ZZEF1: variants seen among roughly 807,000 people sequenced by gnomAD.
ZZEF1 encodes zinc finger ZZ-type and EF-hand domain containing 1.
A neutral mutation model predicts 342.8 loss-of-function variants in ZZEF1; 157 were observed. The observed-to-expected ratio is 0.46, with a 90% CI of 0.40 to 0.52. The LOEUF is 0.52. Ranked by LOEUF, ZZEF1 falls within the 20% of genes least tolerant of loss-of-function variation. The probability of loss-of-function intolerance (pLI) is 0.00; values close to 1 mark genes in which losing one functional copy is unlikely to be tolerated. For synonymous variants in ZZEF1, 1,505 were observed against 1,429.1 expected (o/e 1.05, Z -1.20); for missense variants, 3,480 against 3,725.6 (o/e 0.93, Z 1.72).
chr17:4,131,196 G>C (rs1483043902), intron 1 of ZZEF1, among the ~76,000 whole-genome samples: 1 of 152,046 alleles, frequency 6.6e-6, no homozygotes, highest in African/African-American at 2.4e-5. Context: ...ATCCAAGCAG[G>C]AGAAAATGAA....
intron 1 of ZZEF1, among the ~76,000 whole-genome samples, chr17:4,133,699 A>C (rs191056474): frequency 1.9e-4 from 29 of 151,914 alleles, no homozygotes; most frequent in Admixed American, 4.6e-4. Flanking sequence ...CAAGGCTATA[A>C]AAATACTGAC....
Position 4,016,987 on chromosome 17 carries a change from C to G in ZZEF1, c.8001+384G>C. 4.8e-6 allele frequency: 1 copy of G among 209,510 alleles called. No individual in the cohort carries two copies. The highest frequency in any genetic ancestry group is 9.7e-6 in the Non-Finnish European group (1 of 103,048). 13.0% of individuals were successfully genotyped at this position (209,510 alleles called of 1,614,324 possible). A position where few individuals can be genotyped will look rare whatever the true frequency, so the allele number is the denominator to read the frequency against. On this transcript the variant is annotated intron_variant, in intron 48 of 54. Coordinates refer to ENST00000381638, the MANE Select transcript of ZZEF1 (RefSeq NM_015113.4). The surrounding 1 kb of genome is among the most constrained non-coding windows in gnomAD (Gnocchi z 4.4). ...CAAGGCCGGGAAAAGACCTCGAGGT[C>G]TGGTGGTGTTCTCAGATGGACAAAG...
chr17:4,126,839 C>T (rs971442123), intron 1 of ZZEF1, among the ~76,000 whole-genome samples: 2 of 152,088 alleles, frequency 1.3e-5, no homozygotes, highest in Non-Finnish European at 2.9e-5. Flanking sequence ...TCATGGCACA[C>T]ACCTGTAATT....
chr17:4,051,272 G>A (rs958441120), intron 35 of ZZEF1, among the ~76,000 whole-genome samples: 5 of 152,178 alleles, frequency 3.3e-5, no homozygotes, highest in Admixed American at 3.3e-4. Flanking sequence ...GAGGTTGTCT[G>A]CAGAAATTGG....
intron 26 of ZZEF1, among the ~76,000 whole-genome samples, chr17:4,068,659 T>C (rs2057450161): frequency 6.6e-6 from 1 of 152,210 alleles, no homozygotes; most frequent in Non-Finnish European, 1.5e-5. Flanking sequence ...CAAAGGATAA[T>C]ATACTAGAAC....
At chr17:4,120,587 T>A (rs1009814876) in intron 2 of ZZEF1, among the ~76,000 whole-genome samples, 6 of 152,120 alleles carry the variant, frequency 3.9e-5, no homozygotes, top group Non-Finnish European at 1.5e-5. Flanking sequence ...GACTCCACAG[T>A]AATACCTGAG....
chr17:4,079,857 T>C (rs1371417951), intron 18 of ZZEF1, among the ~76,000 whole-genome samples: 1 of 152,206 alleles, frequency 6.6e-6, no homozygotes, highest in African/African-American at 2.4e-5. Context: ...GTAAGAGATT[T>C]AAAGACACTA....
chr17:4,141,577 C>T (rs2058849419), intron 1 of ZZEF1, among the ~76,000 whole-genome samples: 1 of 152,104 alleles, frequency 6.6e-6, no homozygotes, highest in Non-Finnish European at 1.5e-5. Flanking sequence ...AGGAAGAATA[C>T]CTAATGGATG....
intron 18 of ZZEF1, among the ~76,000 whole-genome samples, chr17:4,080,372 G>A (rs1030245377): frequency 2.6e-5 from 4 of 151,458 alleles, no homozygotes; most frequent in African/African-American, 4.9e-5. Context: ...ACAGAGTTTC[G>A]CTCGTTGCCC....
chr17:4,137,805 G>A (rs1485295092), intron 1 of ZZEF1, among the ~76,000 whole-genome samples: 1 of 152,218 alleles, frequency 6.6e-6, no homozygotes, highest in Non-Finnish European at 1.5e-5. Flanking sequence ...GTACAGAACA[G>A]GTAACAGGAG....
chr17:4,024,186 G>GTTTTTTTTTTTTTTTTTTTT (rs754985234), intron 43 of ZZEF1, among the ~76,000 whole-genome samples: 2 of 94,406 alleles, frequency 2.1e-5, no homozygotes, highest in Admixed American at 1.3e-4. Context: ...TATTGCCCAG[G>GTTTTTTTTTTTTTTTTTTTT]TTTTTTTTTT....
intron 5 of ZZEF1, among the ~76,000 whole-genome samples, chr17:4,110,670 T>C (rs2058280861): frequency 6.6e-6 from 1 of 151,000 alleles, no homozygotes; most frequent in Non-Finnish European, 1.5e-5. Flanking sequence ...TTGGAAACAA[T>C]CTAAATGTCC....
rs146542262 is a variant in ZZEF1 at position 4,085,937 on chromosome 17, G to T, written c.2513-134C>A. 46 of 1,129,204 alleles carry T rather than the reference G, an allele frequency of 4.1e-5. No individual in the cohort carries two copies. The African/African-American group carries it at 7.0e-4, about 17-fold the overall frequency. The allele number at this position is 1,129,204 out of a possible 1,614,324, so 69.9% of individuals were successfully genotyped here. A position where few individuals can be genotyped will look rare whatever the true frequency, so the allele number is the denominator to read the frequency against. ...AGAGTGAAGAAGTATTTCTGTACAG[G>T]CCAGGCAGTATAAAAAAATATTTTT... On this transcript the variant is annotated intron_variant, in intron 15 of 54. Coordinates refer to ENST00000381638, the MANE Select transcript of ZZEF1 (RefSeq NM_015113.4).
At chr17:4,122,923 T>A (rs916817974) in intron 2 of ZZEF1, among the ~76,000 whole-genome samples, 1 of 3,594 alleles carries the variant, frequency 2.8e-4, no homozygotes, top group African/African-American at 2.9e-4. Context: ...GACCTCTTCC[T>A]TTTTTTTTTT....
chr17:4,068,882 G>T (rs79314782), intron 26 of ZZEF1, among the ~76,000 whole-genome samples: 9,715 of 152,264 alleles, frequency 0.064, 430 homozygotes, highest in South Asian at 0.12. Flanking sequence ...GAGCAAATTT[G>T]CTAGACAAAG....
intron 53 of ZZEF1, 77 bp from the exon 54 acceptor site, chr17:4,009,031 T>C: frequency 6.7e-7 from 1 of 1,496,596 alleles, no homozygotes; most frequent in Non-Finnish European, 9.0e-7. Context: ...CTGGGACACC[T>C]GCTTGCGAAA....
chr17:4,134,847 T>C (rs1322705861), intron 1 of ZZEF1, among the ~76,000 whole-genome samples: 3 of 152,082 alleles, frequency 2.0e-5, no homozygotes, highest in African/African-American at 4.8e-5. Context: ...AAACAACCCT[T>C]AAACTGTGCT....
At chr17:4,045,567 G>T (rs1388038474) in intron 37 of ZZEF1, among the ~76,000 whole-genome samples, 1 of 152,150 alleles carries the variant, frequency 6.6e-6, no homozygotes, top group African/African-American at 2.4e-5. Context: ...CACTGCCACA[G>T]ATGAAGCTAT....
Position 4,034,260 on chromosome 17 carries a change from G to T in ZZEF1, c.6339C>A (p.His2113Gln). Residue 2113 changes from histidine to glutamine, a missense_variant, in exon 40 of 55, where the codon CAC becomes CAA. Coordinates refer to ENST00000381638, the MANE Select transcript of ZZEF1 (RefSeq NM_015113.4). ...CAACCTGAAACATGAGTGGAAGGAC[G>T]TGCTCCAGGTCTATCAGGGGAACCG... The part of the protein sequence containing the change: ...GPTVPLIDLE[H>Q]VLPLMFQVVI... The T allele has an allele frequency of 1.9e-6, 3 of 1,614,222 alleles. No individual in the cohort carries two copies. The highest frequency in any genetic ancestry group is 2.5e-6 in the Non-Finnish European group (3 of 1,180,040).
Sources: allele counts gnomAD v4.1 joint callset (sites outside exome capture counted in the v4.1 genomes callset), GRCh38; gene constraint gnomAD v4.1.1; non-coding constraint Gnocchi (gnomAD v3.1); transcripts MANE v1.5; gene names NCBI Gene and HGNC (gene_info 2026-07-23, HGNC 2026-07-21).